CTNND2: variants seen among roughly 807,000 people sequenced by gnomAD.
CTNND2 encodes the protein catenin delta 2.
A neutral mutation model predicts 144.4 loss-of-function variants in CTNND2; 22 were observed. The ratio of observed to expected loss-of-function variants is 0.15; its 90% CI spans 0.11 to 0.22. CTNND2 has a LOEUF of 0.22. Among genes scored for constraint, CTNND2 ranks in the 10% least tolerant of loss-of-function variants. The pLI, the probability that CTNND2 is intolerant of heterozygous loss-of-function variation, is 1.00. For missense variants in CTNND2, 1,353 were observed against 1,618.8 expected (o/e 0.84, Z 2.82); for synonymous variants, 751 against 695.6 (o/e 1.08, Z -1.25).
chr5:11,555,349 C>T (rs1003724243), intron 3 of CTNND2, among the ~76,000 whole-genome samples: 2 of 152,014 alleles, frequency 1.3e-5, no homozygotes, highest in African/African-American at 4.8e-5. Context: ...ATTAGGAGAT[C>T]AAAGAAAACT....
intron 1 of CTNND2, among the ~76,000 whole-genome samples, chr5:11,885,841 A>G (rs1219424726): frequency 6.6e-6 from 1 of 152,184 alleles, no homozygotes; most frequent in Non-Finnish European, 1.5e-5. Context: ...TCTGACCACA[A>G]TGGAATAAAG....
chr5:11,192,196 G>C (rs776918658), intron 11 of CTNND2, among the ~76,000 whole-genome samples: 1 of 152,150 alleles, frequency 6.6e-6, no homozygotes, highest in Non-Finnish European at 1.5e-5. Flanking sequence ...ATCTCCCTTC[G>C]AGTGGGAAAT....
intron 2 of CTNND2, among the ~76,000 whole-genome samples, chr5:11,623,802 GTGTATGTATATATATATATATATATATA>G (rs1780992486): frequency 5.2e-5 from 2 of 38,550 alleles, no homozygotes; most frequent in African/African-American, 2.1e-4. Context: ...ATATATATGT[GTGTATGTATATATATATATATATATATA>G]TATATATATA....
intron 2 of CTNND2, among the ~76,000 whole-genome samples, chr5:11,623,470 T>C (rs1221350271): frequency 6.6e-6 from 1 of 151,998 alleles, no homozygotes; most frequent in African/African-American, 2.4e-5. Flanking sequence ...CCTTGTGTCA[T>C]GATTGTGAGA....
chr5:11,189,559 T>C (rs1460953328), intron 11 of CTNND2, among the ~76,000 whole-genome samples: 1 of 152,212 alleles, frequency 6.6e-6, no homozygotes, highest in South Asian at 2.1e-4. Context: ...CTTAATAACA[T>C]TTTATTTTCT....
intron 3 of CTNND2, among the ~76,000 whole-genome samples, chr5:11,515,052 A>G (rs1324800690): frequency 2.0e-5 from 3 of 151,526 alleles, no homozygotes; most frequent in Admixed American, 1.3e-4. Context: ...AATGGAATCA[A>G]TCAAATTTTC....
chr5:11,850,316 AATG>A (rs1794954511), intron 1 of CTNND2, among the ~76,000 whole-genome samples: 1 of 152,178 alleles, frequency 6.6e-6, no homozygotes, highest in South Asian at 2.1e-4. Context: ...ACAAATTAAA[AATG>A]ATGAACATAT....
intron 1 of CTNND2, among the ~76,000 whole-genome samples, chr5:11,758,229 A>G (rs538156422): frequency 8.6e-4 from 131 of 152,104 alleles, no homozygotes; most frequent in African/African-American, 3.0e-3. Flanking sequence ...TGTATTTTTA[A>G]TTGATACATA....
chr5:11,208,823 C>T (rs1214315881), intron 10 of CTNND2, among the ~76,000 whole-genome samples: 4 of 152,092 alleles, frequency 2.6e-5, no homozygotes, highest in Non-Finnish European at 1.5e-5. Flanking sequence ...GTGGAAAGAA[C>T]TAAACAAAAT....
chr5:11,780,741 G>T (rs965702104), intron 1 of CTNND2, among the ~76,000 whole-genome samples: 1 of 152,188 alleles, frequency 6.6e-6, no homozygotes, highest in Non-Finnish European at 1.5e-5. Context: ...GGATTTTCTA[G>T]AGTAATAGAG....
intron 1 of CTNND2, among the ~76,000 whole-genome samples, chr5:11,871,434 G>A (rs1044801525): frequency 5.9e-5 from 9 of 152,176 alleles, no homozygotes; most frequent in Non-Finnish European, 8.8e-5. Context: ...GTTAATATTC[G>A]TAAAGGACTT....
intron 1 of CTNND2, among the ~76,000 whole-genome samples, chr5:11,822,199 C>A (rs1033258742): frequency 5.9e-5 from 9 of 152,102 alleles, no homozygotes; most frequent in Non-Finnish European, 1.3e-4. Flanking sequence ...GGAATGTGAG[C>A]AAACTCCTAT....
intron 1 of CTNND2, among the ~76,000 whole-genome samples, chr5:11,800,096 C>T (rs541413950): frequency 7.9e-5 from 12 of 152,226 alleles, no homozygotes; most frequent in Admixed American, 4.6e-4. Flanking sequence ...TGACTGTCAA[C>T]TTCATGTGTT....
At chr5:11,597,535 A>C (rs904350102) in intron 2 of CTNND2, among the ~76,000 whole-genome samples, 6 of 152,012 alleles carry the variant, frequency 3.9e-5, no homozygotes, top group African/African-American at 1.2e-4. Context: ...TTAGCCAATA[A>C]TGTGCTTTTC....
At chr5:11,876,005 T>C (rs1735539447) in intron 1 of CTNND2, among the ~76,000 whole-genome samples, 1 of 152,312 alleles carries the variant, frequency 6.6e-6, no homozygotes, top group South Asian at 2.1e-4. Flanking sequence ...AGAAAGTGTA[T>C]AAATTCTCTA....
chr5:11,312,859 C>CT (rs1380456250), intron 9 of CTNND2, among the ~76,000 whole-genome samples: 1 of 152,202 alleles, frequency 6.6e-6, no homozygotes, highest in East Asian at 1.9e-4. Context: ...TGAGATTTTG[C>CT]TTGTGGCATT....
chr5:11,045,997 G>A (rs1745204714), intron 16 of CTNND2, among the ~76,000 whole-genome samples: 1 of 152,080 alleles, frequency 6.6e-6, no homozygotes, highest in Non-Finnish European at 1.5e-5. Flanking sequence ...TGTGCTGCAG[G>A]GCAGGGTGGC....
At chr5:11,301,499 A>G (rs27446) in intron 9 of CTNND2, among the ~76,000 whole-genome samples, 102,173 of 152,052 alleles carry the variant, frequency 0.67, 34,899 homozygotes, top group East Asian at 0.86. Context: ...TAAGACGAAC[A>G]ACCACACATA....
chr5:11,537,913 G>A (rs953390361), intron 3 of CTNND2, among the ~76,000 whole-genome samples: 2 of 152,132 alleles, frequency 1.3e-5, no homozygotes, highest in African/African-American at 2.4e-5. Flanking sequence ...CATAAGTGCT[G>A]CTTTTGTGCT....
Sources: allele counts gnomAD v4.1 joint callset (sites outside exome capture counted in the v4.1 genomes callset), GRCh38; gene constraint gnomAD v4.1.1; transcripts MANE v1.5; gene names NCBI Gene and HGNC (gene_info 2026-07-23, HGNC 2026-07-21).